The following RNF216 variants were observed in gnomAD, a reference collection of about 807,000 sequenced individuals.
RNF216 encodes ring finger protein 216, also known as E3 ubiquitin-protein ligase RNF216.
A neutral mutation model predicts 110.8 loss-of-function variants in RNF216; 72 were observed. That is an observed-to-expected ratio of 0.65 (90% CI 0.54 to 0.79). The LOEUF is 0.79. Among genes scored for constraint, RNF216 ranks in the 30% least tolerant of loss-of-function variants. The probability of loss-of-function intolerance (pLI) is 0.00; values close to 1 mark genes in which losing one functional copy is unlikely to be tolerated. For missense variants in RNF216, 1,342 were observed against 1,141.2 expected, an observed-to-expected ratio of 1.18 and a Z score of -2.54; for synonymous variants, 495 against 407.5, an observed-to-expected ratio of 1.21 and a Z score of -2.59.
At chr7:5,717,096 G>A (rs902303719) in intron 9 of RNF216, among the ~76,000 whole-genome samples, 1 of 152,228 alleles carries the variant, frequency 6.6e-6, no homozygotes, top group African/African-American at 2.4e-5. Context: ...GCTCATGCCT[G>A]TAATCCCAGC....
chr7:5,697,901 A>AG (rs1791727077), intron 13 of RNF216, among the ~76,000 whole-genome samples: 2 of 152,208 alleles, frequency 1.3e-5, no homozygotes, highest in Admixed American at 6.5e-5. Flanking sequence ...CTAACAGAGC[A>AG]GGGGAGAGAA....
At chr7:5,665,598 GC>G (rs1293412028) in intron 13 of RNF216, among the ~76,000 whole-genome samples, 1 of 152,112 alleles carries the variant, frequency 6.6e-6, no homozygotes, top group Non-Finnish European at 1.5e-5. Flanking sequence ...CGAGACACCA[GC>G]TTGACTGCTC....
chr7:5,742,498 A>C (rs1382178591), intron 3 of RNF216, among the ~76,000 whole-genome samples: 1 of 152,122 alleles, frequency 6.6e-6, no homozygotes, highest in African/African-American at 2.4e-5. Flanking sequence ...AAAATGAAAA[A>C]TTAAAACAAG....
chr7:5,671,925 A>G (rs953758691), intron 13 of RNF216, among the ~76,000 whole-genome samples: 10 of 152,176 alleles, frequency 6.6e-5, no homozygotes, highest in African/African-American at 2.4e-4. Flanking sequence ...GGGCCTCACA[A>G]GAAACGAAAT....
In RNF216 at chr7:5,711,836, G is replaced by A; in HGVS notation, c.1986C>T (p.Cys662=). 8 of 1,613,662 alleles carry A rather than the reference G, an allele frequency of 5.0e-6. No individual in the cohort carries two copies. The highest frequency in any genetic ancestry group is 6.8e-6 in the Non-Finnish European group (8 of 1,179,780). The change falls in exon 13 of 17, where the codon TGC becomes TGT. Residue 662 remains cysteine, a synonymous_variant. Transcript: ENST00000389902. The part of the protein sequence containing the change: ...AAAYADELVR[C]PSCSFPALLD... The stretch of plus-strand genomic sequence containing the variant: ...ACAGAGCCGGAAAGCTACAGGACGG[G>A]CACCTAGAGTCAGAACAGCAGAACT...
chr7:5,679,419 G>A (rs890612070), intron 13 of RNF216, among the ~76,000 whole-genome samples: 6 of 152,252 alleles, frequency 3.9e-5, no homozygotes, highest in Admixed American at 2.6e-4. Context: ...TGGGTTGTGA[G>A]GATGCAGGCG....
At chr7:5,727,077 G>C (rs1449244020) in intron 7 of RNF216, among the ~76,000 whole-genome samples, 5 of 152,178 alleles carry the variant, frequency 3.3e-5, no homozygotes, top group Admixed American at 6.5e-5. Flanking sequence ...TACGCTGTTA[G>C]GGTGCAGGGC....
intron 15 of RNF216, among the ~76,000 whole-genome samples, chr7:5,637,013 C>T (rs916221295): frequency 6.6e-6 from 1 of 152,160 alleles, no homozygotes; most frequent in South Asian, 2.1e-4. Flanking sequence ...TAACACCCAC[C>T]CTCACGCTAA....
chr7:5,695,362 T>C (rs888678374), intron 13 of RNF216, among the ~76,000 whole-genome samples: 10 of 152,048 alleles, frequency 6.6e-5, no homozygotes, highest in Non-Finnish European at 1.0e-4. Flanking sequence ...CGCCAGCCTG[T>C]CCTGACCTCA....
intron 9 of RNF216, among the ~76,000 whole-genome samples, chr7:5,719,225 G>A (rs1021888416): frequency 6.6e-6 from 1 of 152,210 alleles, no homozygotes; most frequent in South Asian, 2.1e-4. Context: ...TACAAAAAAA[G>A]TTAGCCAGGT....
chr7:5,636,129 C>T (rs146973775), intron 15 of RNF216, among the ~76,000 whole-genome samples: 1 of 152,348 alleles, frequency 6.6e-6, no homozygotes, highest in African/African-American at 2.4e-5. Flanking sequence ...AGCTACCACT[C>T]CTGTGGCCAT....
intron 13 of RNF216, among the ~76,000 whole-genome samples, chr7:5,681,034 C>G (rs1790618508): frequency 6.6e-6 from 1 of 152,182 alleles, no homozygotes; most frequent in South Asian, 2.1e-4. Flanking sequence ...CAGCCATACC[C>G]CGCAGATACC....
intron 8 of RNF216, among the ~76,000 whole-genome samples, chr7:5,723,335 T>A (rs192943204): frequency 1.7e-4 from 26 of 152,304 alleles, no homozygotes; most frequent in African/African-American, 6.0e-4. Context: ...AGATTTATTT[T>A]CAGTCCTTTA....
intron 3 of RNF216, among the ~76,000 whole-genome samples, chr7:5,747,497 C>G (rs75923427): frequency 0.037 from 5,599 of 152,244 alleles, 156 homozygotes; most frequent in East Asian, 0.072. Context: ...AAAGCCATTT[C>G]CAAAATGTTT....
intron 8 of RNF216, among the ~76,000 whole-genome samples, chr7:5,722,899 C>T (rs1309134692): frequency 6.6e-6 from 1 of 151,824 alleles, no homozygotes. Context: ...ACTTGCGAGG[C>T]TGAGGCAGGA....
rs1033621608 is a variant in RNF216, at chr7:5,622,651, G to A, written c.*209C>T. ...GGCAGTTCACATCGCAGCTCTCTCC[G>A]AACTCCACCATTTGGGACGTCTTTA... On this transcript the variant is annotated 3_prime_UTR_variant, in exon 17 of 17. Transcript: ENST00000389902. The A allele has an allele frequency of 1.8e-5, 10 of 571,228 alleles. No homozygotes were observed. The highest frequency in any genetic ancestry group is 3.1e-5 in the Non-Finnish European group (10 of 323,832). The allele number at this position is 571,228 out of a possible 1,614,324, so 35.4% of individuals were successfully genotyped here. A position where few individuals can be genotyped will look rare whatever the true frequency, so the allele number is the denominator to read the frequency against.
At chr7:5,731,930 C>G (rs1794114321) in intron 5 of RNF216, among the ~76,000 whole-genome samples, 1 of 152,138 alleles carries the variant, frequency 6.6e-6, no homozygotes, top group Non-Finnish European at 1.5e-5. Flanking sequence ...TTCTGCAGCC[C>G]CCGCCGGGGA....
chr7:5,678,631 C>T (rs560149743), intron 13 of RNF216, among the ~76,000 whole-genome samples: 2 of 152,336 alleles, frequency 1.3e-5, no homozygotes, highest in South Asian at 4.1e-4. Context: ...GGCCGGCACT[C>T]GTAGTGACAA....
chr7:5,656,382 G>C (rs1788743374), intron 13 of RNF216, among the ~76,000 whole-genome samples: 1 of 152,172 alleles, frequency 6.6e-6, no homozygotes, highest in African/African-American at 2.4e-5. Context: ...AAGCCCCAAA[G>C]GGCCATTTTG....
Sources: gnomAD v4.1 joint callset for allele counts (sites outside exome capture counted in the v4.1 genomes callset) on GRCh38, gnomAD v4.1.1 for gene constraint, MANE v1.5 for transcripts, NCBI Gene and HGNC (gene_info 2026-07-23, HGNC 2026-07-21) for gene names.